Variants in CDK13 observed in about 807,000 individuals in gnomAD.
CDK13 encodes cyclin-dependent kinase 13.
In CDK13, 40 loss-of-function variants were observed where a neutral mutation model predicts 137.6. That is an observed-to-expected ratio of 0.29 (90% CI 0.23 to 0.38). The LOEUF is 0.38. CDK13 is among the 10% of genes least tolerant of loss of function. The pLI, the probability that CDK13 is intolerant of heterozygous loss-of-function variation, is 1.00. For synonymous variants in CDK13, 869 were observed against 760.1 expected, an observed-to-expected ratio of 1.14 and a Z score of -2.36; for missense variants, 1,704 against 1,951.8, an observed-to-expected ratio of 0.87 and a Z score of 2.39.
chr7:39,965,127 A>G (rs1267504832), intron 1 of CDK13, among the ~76,000 whole-genome samples: 1 of 152,140 alleles, frequency 6.6e-6, no homozygotes. Context: ...AGTTCTGTAG[A>G]TGTCTATTAG....
At chr7:39,958,560 A>G (rs1483015479) in intron 1 of CDK13, among the ~76,000 whole-genome samples, 12 of 152,190 alleles carry the variant, frequency 7.9e-5, no homozygotes, top group Non-Finnish European at 1.8e-4. Flanking sequence ...AAGCGGGAAC[A>G]TGTAACAATG....
chr7:40,055,111 T>A lies in CDK13; in HGVS notation c.2600+7234T>A, dbSNP rs1240257875. Among the ~76,000 whole-genome samples the A allele has an allele frequency of 6.6e-5, 10 of 152,066 alleles. 1 individual carries two copies. The East Asian group carries it at 1.9e-3, about 29-fold the overall frequency. On this transcript the variant is annotated intron_variant, in intron 7 of 13. Transcript: ENST00000181839. ...AGTTTCTTGCCATCCAATAACAACT[T>A]ATTGAAGTTACTAAATTTTGTTTTC...
intron 12 of CDK13, among the ~76,000 whole-genome samples, chr7:40,088,787 T>C (rs1322767787): frequency 6.6e-6 from 1 of 152,204 alleles, no homozygotes; most frequent in East Asian, 1.9e-4. Flanking sequence ...TTAAAGAATC[T>C]TAAAGATTGG....
At chr7:40,064,552 TG>T (rs1786233874) in intron 9 of CDK13, among the ~76,000 whole-genome samples, 1 of 152,204 alleles carries the variant, frequency 6.6e-6, no homozygotes, top group East Asian at 1.9e-4. Flanking sequence ...TTGCCCTTTT[TG>T]GTGGTTAGGC....
At chr7:40,085,862 AG>A (rs1416278817) in intron 11 of CDK13, 1 of 152,200 alleles carries the variant, frequency 6.6e-6, no homozygotes, top group Non-Finnish European at 1.5e-5. Context: ...TAGTTACTTT[AG>A]TTATTTTTAA....
chr7:40,063,619 T>C (rs879391795), intron 9 of CDK13, among the ~76,000 whole-genome samples: 22 of 152,152 alleles, frequency 1.4e-4, no homozygotes, highest in Non-Finnish European at 1.9e-4. Flanking sequence ...CAATTACTCA[T>C]ACATTTTAGT....
intron 5 of CDK13, 63 bp downstream of exon 5, chr7:40,002,094 A>T: frequency 8.5e-7 from 1 of 1,178,670 alleles, no homozygotes. Context: ...TAACTTGGAA[A>T]TTTTTTTTAT....
chr7:40,083,027 TGGGAAACGGAGGCTGCA>T (rs1786703631), intron 11 of CDK13, among the ~76,000 whole-genome samples: 1 of 148,194 alleles, frequency 6.7e-6, no homozygotes, highest in Non-Finnish European at 1.5e-5. Flanking sequence ...TGCTTGAGCT[TGGGAAACGGAGGCTGCA>T]GTGAGCCGAG....
intron 1 of CDK13, among the ~76,000 whole-genome samples, chr7:39,963,530 A>G (rs1003677408): frequency 1.3e-5 from 2 of 152,214 alleles, no homozygotes; most frequent in African/African-American, 4.8e-5. Flanking sequence ...TTGGGCTGAG[A>G]TGTTGGGGTT....
At chr7:40,042,901 C>G (rs1342334111) in intron 5 of CDK13, among the ~76,000 whole-genome samples, 1 of 152,010 alleles carries the variant, frequency 6.6e-6, no homozygotes, top group Non-Finnish European at 1.5e-5. Context: ...CCTCAGCCCC[C>G]CAAGTAGCTA....
At chr7:40,093,415 A>C (rs187745985) in intron 13 of CDK13, among the ~76,000 whole-genome samples, 178 bp downstream of exon 13, 49 of 152,332 alleles carry the variant, frequency 3.2e-4, no homozygotes, top group Non-Finnish European at 5.3e-4. Context: ...GGATTCTTTA[A>C]CAAATTATCC....
chr7:40,070,532 T>C (rs893155931), intron 9 of CDK13: 3 of 151,616 alleles, frequency 2.0e-5, no homozygotes, highest in African/African-American at 7.3e-5. Flanking sequence ...CTGGCCACCA[T>C]GGTGAAACCC....
At chr7:39,992,326 T>C (rs1270565749) in intron 2 of CDK13, among the ~76,000 whole-genome samples, 1 of 151,872 alleles carries the variant, frequency 6.6e-6, no homozygotes, top group Admixed American at 6.6e-5. Flanking sequence ...GCTTCCGGAG[T>C]AGCTGGGGTT....
intron 1 of CDK13, among the ~76,000 whole-genome samples, chr7:39,959,327 A>G (rs1392872497): frequency 1.3e-5 from 2 of 151,310 alleles, no homozygotes; most frequent in African/African-American, 2.4e-5. Flanking sequence ...ATGCCCAGCT[A>G]ATTTTGTATT....
intron 1 of CDK13, among the ~76,000 whole-genome samples, chr7:39,968,849 A>G (rs1478035192): frequency 2.0e-5 from 3 of 152,202 alleles, no homozygotes; most frequent in Non-Finnish European, 4.4e-5. Context: ...AAGACCCCCA[A>G]CACAGACTGA....
At position 40,019,461 on chromosome 7, in the gene CDK13, A is replaced by G. The variant is rs182037125; in HGVS notation, c.2353+17430A>G. Among the ~76,000 whole-genome samples the G allele has an allele frequency of 8.5e-5, 13 of 152,308 alleles. No homozygotes were observed. In the East Asian group the frequency reaches 9.6e-4, roughly 11 times the overall value. On this transcript the variant is annotated intron_variant, in intron 5 of 13. Transcript: ENST00000181839. ...AGGGGCTGGCAAGTCTGAAATTTGT[A>G]GGGGTGGCCAGCAGTCTTGAGTCTG...
chr7:40,019,710 A>G (rs1195849753), intron 5 of CDK13, among the ~76,000 whole-genome samples: 35 of 152,200 alleles, frequency 2.3e-4, no homozygotes, highest in Admixed American at 2.2e-3. Context: ...AAGTTGGCAC[A>G]TGAAATTAAC....
Position 39,994,747 on chromosome 7 carries a change from A to G in CDK13, c.1872-2747A>G, listed in dbSNP as rs192197801. ...TAAAACATTGGATAGACTGAGTAAT[A>G]TATATCCTTTGACTTCAGCCACCGT... On this transcript the variant is annotated intron_variant, in intron 2 of 13. Transcript: ENST00000181839. Among the ~76,000 whole-genome samples, 175 of 152,260 alleles carry G rather than the reference A, an allele frequency of 1.1e-3. 1 individual carries two copies. The highest frequency in any genetic ancestry group is 3.5e-3 in the Admixed American group (54 of 15,298).
Position 40,094,923 on chromosome 7 carries a change from C to T in CDK13, c.4482C>T (p.Tyr1494=), listed in dbSNP as rs747513194. 16 of 1,494,540 alleles carry T rather than the reference C, an allele frequency of 1.1e-5. No homozygotes were observed. Among genetic ancestry groups the T allele is most frequent in the Middle Eastern group, 3.6e-4 (2 of 5,566 alleles). 92.6% of individuals were successfully genotyped at this position (1,494,540 alleles called of 1,614,324 possible). A position where few individuals can be genotyped will look rare whatever the true frequency, so the allele number is the denominator to read the frequency against. ...AAGGACCTGGATATTCACAAGGATA[C>T]AGGGGACATATTAGCACATCAACTG... The part of the protein sequence containing the change: ...PAQGPGYSQG[Y]RGHISTSTGR... The change falls in exon 14 of 14, where the codon TAC becomes TAT. Residue 1494 remains tyrosine (Y), a synonymous_variant. Transcript: ENST00000181839.
Sources: allele counts gnomAD v4.1 joint callset (sites outside exome capture counted in the v4.1 genomes callset), GRCh38; gene constraint gnomAD v4.1.1; transcripts MANE v1.5; gene names NCBI Gene and HGNC (gene_info 2026-07-23, HGNC 2026-07-21).